GALNT17: variants seen among roughly 807,000 people sequenced by gnomAD.
The protein encoded by GALNT17 is polypeptide N-acetylgalactosaminyltransferase 17, also known as UDP-GalNAc:polypeptide N-acetylgalactosaminyltransferase-like 3.
A neutral mutation model predicts 63.7 loss-of-function variants in GALNT17; 29 were observed. That is an observed-to-expected ratio of 0.46 (90% CI 0.34 to 0.62). The LOEUF (loss-of-function observed/expected upper bound fraction) is 0.62. GALNT17 is among the 20% of genes least tolerant of loss of function. The pLI is 0.01. For synonymous variants in GALNT17, 305 were observed against 318.3 expected (o/e 0.96, Z 0.45); for missense variants, 603 against 799.6 (o/e 0.75, Z 2.97).
intron 5 of GALNT17, among the ~76,000 whole-genome samples, chr7:71,441,834 A>C (rs570715863): frequency 1.2e-3 from 179 of 152,296 alleles, no homozygotes; most frequent in African/African-American, 4.1e-3. Context: ...ATGGCTGCAT[A>C]GTATTCCATG....
intron 1 of GALNT17, among the ~76,000 whole-genome samples, chr7:71,233,809 T>C (rs1789837659): frequency 6.6e-6 from 1 of 152,166 alleles, no homozygotes; most frequent in African/African-American, 2.4e-5. Flanking sequence ...GGGTAATTCA[T>C]AAAGAAAACA....
At chr7:71,423,771 A>T (rs907196151) in intron 5 of GALNT17, among the ~76,000 whole-genome samples, 2 of 151,868 alleles carry the variant, frequency 1.3e-5, no homozygotes, top group Non-Finnish European at 2.9e-5. Flanking sequence ...TTAAAAAAAA[A>T]AATTAGCCGG....
At chr7:71,379,741 G>T (rs1046743571) in intron 2 of GALNT17, among the ~76,000 whole-genome samples, 1 of 152,114 alleles carries the variant, frequency 6.6e-6, no homozygotes, top group African/African-American at 2.4e-5. Flanking sequence ...CTGAATTTGG[G>T]ATGTTTATGA....
At chr7:71,678,668 G>A (rs183496762) in intron 9 of GALNT17, among the ~76,000 whole-genome samples, 2,826 of 151,914 alleles carry the variant, frequency 0.019, 71 homozygotes, top group African/African-American at 0.064. Flanking sequence ...GGTGGTGGGC[G>A]CCTGTAGTCC....
intron 5 of GALNT17, among the ~76,000 whole-genome samples, chr7:71,443,656 T>C (rs1228137382): frequency 1.3e-5 from 2 of 152,002 alleles, no homozygotes; most frequent in Non-Finnish European, 2.9e-5. Context: ...ATGCCATGCT[T>C]CTTGTACAGC....
intron 2 of GALNT17, among the ~76,000 whole-genome samples, chr7:71,343,932 C>A (rs1031161069): frequency 6.7e-6 from 1 of 150,352 alleles, no homozygotes; most frequent in Non-Finnish European, 1.5e-5. Context: ...TTTTCTTCTT[C>A]TTGTCCTTTC....
At chr7:71,245,676 G>A (rs1405872583) in intron 1 of GALNT17, among the ~76,000 whole-genome samples, 1 of 152,102 alleles carries the variant, frequency 6.6e-6, no homozygotes, top group African/African-American at 2.4e-5. Context: ...AATGGGCAAA[G>A]GCTAGAGATA....
At position 71,216,077 on chromosome 7, in the gene GALNT17, C is replaced by T. The variant is rs145187027; in HGVS notation, c.238+83037C>T. Among the ~76,000 whole-genome samples, 3 of 129,072 alleles carry T rather than the reference C, an allele frequency of 2.3e-5. No homozygotes were observed. The Admixed American group carries it at 2.3e-4, about 10-fold the overall frequency. The allele number at this position is 129,072 out of a possible 152,430, so 84.7% of individuals were successfully genotyped here. On this transcript the variant is annotated intron_variant, in intron 1 of 10. Coordinates refer to ENST00000333538, the MANE Select transcript of GALNT17 (RefSeq NM_022479.3). ...TAATAATAATAATAAAAAAGCCAAG[C>T]GTGGTAGTGCACACCTGTAGCCCCA...
chr7:71,440,521 T>G (rs1034772994), intron 5 of GALNT17, among the ~76,000 whole-genome samples: 3 of 151,940 alleles, frequency 2.0e-5, no homozygotes, highest in Non-Finnish European at 4.4e-5. Flanking sequence ...ATTACAGGCA[T>G]GTGCCACCAT....
At chr7:71,162,146 T>TCCC (rs1194978746) in intron 1 of GALNT17, among the ~76,000 whole-genome samples, 1 of 138,420 alleles carries the variant, frequency 7.2e-6, no homozygotes, top group African/African-American at 2.6e-5. Context: ...CCTTCCTTCC[T>TCCC]TCCTTCCTTC....
chr7:71,425,061 T>C (rs560199478), intron 5 of GALNT17, among the ~76,000 whole-genome samples: 3 of 152,294 alleles, frequency 2.0e-5, no homozygotes, highest in African/African-American at 7.2e-5. Context: ...ACTTTTATTT[T>C]TCCACACCAG....
At chr7:71,564,614 C>T (rs1030975052) in intron 5 of GALNT17, among the ~76,000 whole-genome samples, 5 of 152,004 alleles carry the variant, frequency 3.3e-5, no homozygotes, top group Non-Finnish European at 7.4e-5. Flanking sequence ...GTGACACCAA[C>T]AGCGACCATC....
chr7:71,688,453 C>T (rs66476463), intron 9 of GALNT17, among the ~76,000 whole-genome samples: 11,833 of 152,060 alleles, frequency 0.078, 1,214 homozygotes, highest in East Asian at 0.52. Context: ...AGATTTTCCC[C>T]GAGGCTTTGG....
intron 5 of GALNT17, among the ~76,000 whole-genome samples, chr7:71,473,020 C>G (rs1224557433): frequency 1.3e-5 from 2 of 152,164 alleles, no homozygotes; most frequent in African/African-American, 4.8e-5. Context: ...AATCATGAAT[C>G]AGTACATGGA....
chr7:71,654,761 C>T (rs1037505497), intron 6 of GALNT17, among the ~76,000 whole-genome samples: 2 of 151,908 alleles, frequency 1.3e-5, no homozygotes, highest in Non-Finnish European at 2.9e-5. Flanking sequence ...AGGCTTTCAC[C>T]GGGAGGGTTT....
chr7:71,399,648 A>G (rs1360215031), intron 3 of GALNT17, among the ~76,000 whole-genome samples: 1 of 152,200 alleles, frequency 6.6e-6, no homozygotes, highest in Non-Finnish European at 1.5e-5. Flanking sequence ...AGTTAAATTC[A>G]TCATCTTATT....
At chr7:71,530,436 C>T (rs937865920) in intron 5 of GALNT17, among the ~76,000 whole-genome samples, 10 of 152,156 alleles carry the variant, frequency 6.6e-5, no homozygotes, top group South Asian at 2.1e-4. Flanking sequence ...TTATTCTTAA[C>T]GTGTAGTCTA....
At chr7:71,357,528 C>G (rs1212173877) in intron 2 of GALNT17, among the ~76,000 whole-genome samples, 1 of 152,124 alleles carries the variant, frequency 6.6e-6, no homozygotes, top group Admixed American at 6.5e-5. Context: ...GCATATTTTC[C>G]CATTCACCAC....
chr7:71,556,455 G>A (rs891379722), intron 5 of GALNT17, among the ~76,000 whole-genome samples: 2 of 152,158 alleles, frequency 1.3e-5, no homozygotes, highest in African/African-American at 4.8e-5. Flanking sequence ...CTACAGTGGG[G>A]ATGAAAGAGC....
Sources: gnomAD v4.1 joint callset for allele counts (sites outside exome capture counted in the v4.1 genomes callset) on GRCh38, gnomAD v4.1.1 for gene constraint, MANE v1.5 for transcripts, NCBI Gene and HGNC (gene_info 2026-07-23, HGNC 2026-07-21) for gene names.